SPAG16: variants seen among roughly 807,000 people sequenced by gnomAD.
SPAG16 encodes sperm associated antigen 16.
SPAG16 carries 86 observed loss-of-function variants against 80.4 expected under a neutral mutation model. The ratio of observed to expected loss-of-function variants is 1.07; its 90% confidence interval spans 0.90 to 1.28. The LOEUF is 1.28. Ranked by LOEUF, SPAG16 falls within the 50% of genes most tolerant of loss-of-function variation. SPAG16 has a pLI of 0.00. For synonymous variants in SPAG16, 294 were observed against 265.9 expected (o/e 1.11, Z -1.03); for missense variants, 870 against 765.3 (o/e 1.14, Z -1.61).
intron 5 of SPAG16, among the ~76,000 whole-genome samples, chr2:213,326,401 A>G (rs2063841394): frequency 6.6e-6 from 1 of 152,054 alleles, no homozygotes; most frequent in African/African-American, 2.4e-5. Flanking sequence ...CACTGTGAAA[A>G]TAAAGATAAT....
At chr2:214,077,697 T>C (rs913025500) in intron 13 of SPAG16, among the ~76,000 whole-genome samples, 4 of 152,224 alleles carry the variant, frequency 2.6e-5, no homozygotes, top group African/African-American at 9.6e-5. Flanking sequence ...AGGCACATTG[T>C]GCAGCTGCCA....
chr2:213,423,754 A>G (rs1229314658), intron 9 of SPAG16, among the ~76,000 whole-genome samples: 2 of 152,188 alleles, frequency 1.3e-5, no homozygotes, highest in African/African-American at 4.8e-5. Context: ...ACTAAAGCCC[A>G]GGAAGTTTTA....
At chr2:214,258,190 C>T (rs1317282755) in intron 15 of SPAG16, among the ~76,000 whole-genome samples, 1 of 151,546 alleles carries the variant, frequency 6.6e-6, no homozygotes, top group Non-Finnish European at 1.5e-5. Context: ...ATGCACCCAT[C>T]ACTGGAGCAA....
At chr2:214,082,480 T>A (rs1335344873) in intron 13 of SPAG16, among the ~76,000 whole-genome samples, 1 of 152,206 alleles carries the variant, frequency 6.6e-6, no homozygotes, top group Non-Finnish European at 1.5e-5. Flanking sequence ...CTGCTTCTGC[T>A]CAGTAATCTC....
intron 13 of SPAG16, among the ~76,000 whole-genome samples, chr2:214,051,692 G>A (rs2049651983): frequency 6.6e-6 from 1 of 152,154 alleles, no homozygotes; most frequent in African/African-American, 2.4e-5. Flanking sequence ...CAAATGAGAA[G>A]TTCAGATAGA....
intron 13 of SPAG16, among the ~76,000 whole-genome samples, chr2:214,102,293 A>C (rs1423660825): frequency 2.0e-5 from 3 of 152,094 alleles, no homozygotes; most frequent in African/African-American, 4.8e-5. Flanking sequence ...ACAATAAATA[A>C]GGAGAAAAAT....
intron 12 of SPAG16, among the ~76,000 whole-genome samples, chr2:213,936,129 G>A (rs1454520175): frequency 1.3e-5 from 2 of 152,072 alleles, no homozygotes; most frequent in Non-Finnish European, 1.5e-5. Flanking sequence ...AGCAAGCCAA[G>A]CAGATACTTG....
intron 15 of SPAG16, among the ~76,000 whole-genome samples, chr2:214,330,536 A>G (rs374704084): frequency 1.3e-5 from 2 of 152,156 alleles, no homozygotes; most frequent in African/African-American, 4.8e-5. Context: ...AGAATTGTAC[A>G]GAAGGAGAAG....
intron 10 of SPAG16, among the ~76,000 whole-genome samples, chr2:213,790,241 C>T (rs912794848): frequency 6.6e-6 from 1 of 151,854 alleles, no homozygotes; most frequent in African/African-American, 2.4e-5. Context: ...TCAAGACTCT[C>T]CACGATAGTT....
intron 15 of SPAG16, among the ~76,000 whole-genome samples, chr2:214,195,838 G>C (rs1200781364): frequency 1.3e-5 from 2 of 151,876 alleles, no homozygotes; most frequent in African/African-American, 2.4e-5. Context: ...ATTTCAAGCT[G>C]GAGTTATGAA....
intron 10 of SPAG16, among the ~76,000 whole-genome samples, chr2:213,712,628 T>G (rs2066049844): frequency 6.6e-6 from 1 of 152,156 alleles, no homozygotes; most frequent in African/African-American, 2.4e-5. Context: ...CAGCATCCTG[T>G]GGCATTTGCC....
At chr2:213,479,359 AT>A (rs1218580651) in intron 9 of SPAG16, among the ~76,000 whole-genome samples, 2 of 151,826 alleles carry the variant, frequency 1.3e-5, no homozygotes, top group Non-Finnish European at 2.9e-5. Flanking sequence ...TTTCTACTGC[AT>A]TTTTAATCTA....
chr2:213,342,671 A>G (rs1440253449), intron 6 of SPAG16, among the ~76,000 whole-genome samples: 1 of 151,918 alleles, frequency 6.6e-6, no homozygotes, highest in African/African-American at 2.4e-5. Context: ...CTTTTGGGGA[A>G]TTTCTGCTTT....
intron 8 of SPAG16, among the ~76,000 whole-genome samples, chr2:213,368,463 G>T (rs2066444192): frequency 6.6e-6 from 1 of 152,106 alleles, no homozygotes; most frequent in South Asian, 2.1e-4. Context: ...ATATCATACT[G>T]AATGGGCAAA....
chr2:213,559,326 T>G (rs2059529315), intron 10 of SPAG16, among the ~76,000 whole-genome samples: 1 of 152,274 alleles, frequency 6.6e-6, no homozygotes, highest in East Asian at 1.9e-4. Context: ...GGCAATGTGA[T>G]GTCATGAAGC....
rs150721135 is a variant in SPAG16 at position 214,380,084 on chromosome 2, A to G, written c.1721-30056A>G. 1.9e-3 allele frequency among the ~76,000 whole-genome samples: 294 copies of G among 152,330 alleles called. 2 individuals carry two copies. The highest frequency in any genetic ancestry group is 6.6e-3 in the African/African-American group (274 of 41,584). On this transcript the variant is annotated intron_variant, in intron 15 of 15. Transcript: ENST00000331683. ...CTGGCAAATCACTAGTGTTATATGA[A>G]GGAGGTAAGAGCAGGATGGTGAGAT...
intron 15 of SPAG16, among the ~76,000 whole-genome samples, chr2:214,299,905 G>A (rs1200836472): frequency 2.0e-5 from 3 of 152,082 alleles, no homozygotes; most frequent in Admixed American, 6.5e-5. Flanking sequence ...TATTTATTAC[G>A]GTTCAGTAAC....
At chr2:214,229,836 T>C (rs1467968748) in intron 15 of SPAG16, among the ~76,000 whole-genome samples, 1 of 151,906 alleles carries the variant, frequency 6.6e-6, no homozygotes, top group Non-Finnish European at 1.5e-5. Context: ...AAACTTCTGG[T>C]CTGCTGCAGT....
At chr2:213,833,483 A>G in intron 10 of SPAG16, among the ~76,000 whole-genome samples, 1 of 3,078 alleles carries the variant, frequency 3.2e-4, no homozygotes, top group East Asian at 0.1. Flanking sequence ...AATAATATAT[A>G]TATTATATAT....
Sources: allele counts gnomAD v4.1 joint callset (sites outside exome capture counted in the v4.1 genomes callset), GRCh38; gene constraint gnomAD v4.1.1; transcripts MANE v1.5; gene names NCBI Gene and HGNC (gene_info 2026-07-23, HGNC 2026-07-21).